The following ARHGEF33 variants were observed in gnomAD, a reference collection of about 807,000 sequenced individuals.
The protein encoded by ARHGEF33 is Rho guanine nucleotide exchange factor 33.
ARHGEF33 carries 72 observed loss-of-function variants against 101.9 expected under a neutral mutation model. The ratio of observed to expected loss-of-function variants is 0.71; its 90% confidence interval spans 0.58 to 0.86. The LOEUF (loss-of-function observed/expected upper bound fraction) is 0.86. Ranked by LOEUF, ARHGEF33 falls within the 40% of genes least tolerant of loss-of-function variation. The pLI, the probability that ARHGEF33 is intolerant of heterozygous loss-of-function variation, is 0.00. For synonymous variants in ARHGEF33, 499 were observed against 442.5 expected (o/e 1.13, Z -1.60); for missense variants, 1,169 against 1,111.3 (o/e 1.05, Z -0.74).
chr2:38,937,208 A>C (rs113824924), intron 8 of ARHGEF33, 127 bp from the exon 9 acceptor site: 133 of 609,204 alleles, frequency 2.2e-4, no homozygotes, highest in Middle Eastern at 4.4e-4. Context: ...GTTAGCCAGG[A>C]TGGTCTCAAT....
intron 6 of ARHGEF33, among the ~76,000 whole-genome samples, chr2:38,930,307 C>G (rs1666967161): frequency 6.6e-6 from 1 of 151,336 alleles, no homozygotes; most frequent in Admixed American, 6.6e-5. Flanking sequence ...CATATATAAT[C>G]TTTATTGCTA....
intron 2 of ARHGEF33, among the ~76,000 whole-genome samples, chr2:38,906,615 T>C (rs1269716191): frequency 1.3e-5 from 2 of 152,044 alleles, no homozygotes; most frequent in Non-Finnish European, 1.5e-5. Flanking sequence ...ACAAAAATGT[T>C]GACTCTTTCC....
In ARHGEF33 at chr2:38,889,892, G is replaced by C; in HGVS notation, c.-253G>C. ...ACGGTCTCGTTTCAGGGGAAGTCAA[G>C]CCTCTCTACTGCTTCTTTTTATAAC... is the stretch of plus-strand genomic sequence containing the variant. On this transcript the variant is annotated 5_prime_UTR_variant, in exon 1 of 18. Coordinates refer to ENST00000409978, the MANE Select transcript of ARHGEF33 (RefSeq NM_001145451.5). 2.1e-6 allele frequency: 1 copy of C among 470,926 alleles called. No homozygotes were observed. The highest frequency in any genetic ancestry group is 4.4e-6 in the Non-Finnish European group (1 of 226,934). 29.2% of individuals were successfully genotyped at this position (470,926 alleles called of 1,614,324 possible).
At position 38,956,886 on chromosome 2, in the gene ARHGEF33, C is replaced by A; in HGVS notation, c.1222-13C>A. 1 of 1,551,276 alleles carries A rather than the reference C, an allele frequency of 6.4e-7. No individual in the cohort carries two copies. The highest frequency in any genetic ancestry group is 1.2e-5 in the South Asian group (1 of 83,998). On this transcript the variant is annotated splice_polypyrimidine_tract_variant and intron_variant, in intron 13 of 17. Coordinates refer to ENST00000409978, the MANE Select transcript of ARHGEF33 (RefSeq NM_001145451.5). ...TGATTATGCAATGCTACTTCCTTTT[C>A]CCCTCCATCCAGAACGTCCTGAAGT...
intron 1 of ARHGEF33, among the ~76,000 whole-genome samples, chr2:38,890,340 A>G (rs747587656): frequency 2.0e-5 from 3 of 152,212 alleles, no homozygotes; most frequent in Non-Finnish European, 4.4e-5. Flanking sequence ...TGACATGGAC[A>G]TGCCTCTTTG....
At chr2:38,911,319 T>C (rs944937465) in intron 2 of ARHGEF33, among the ~76,000 whole-genome samples, 4 of 152,132 alleles carry the variant, frequency 2.6e-5, no homozygotes, top group African/African-American at 9.7e-5. Context: ...AAAGTTCCCA[T>C]TCTACTAAAT....
At chr2:38,917,595 C>A (rs141755190) in intron 2 of ARHGEF33, among the ~76,000 whole-genome samples, 2 of 151,754 alleles carry the variant, frequency 1.3e-5, no homozygotes, top group East Asian at 3.9e-4. Context: ...TTTGAGAGAC[C>A]GAGGAGGGGA....
chr2:38,956,352 G>T (rs1349371900), intron 13 of ARHGEF33, among the ~76,000 whole-genome samples: 1 of 152,176 alleles, frequency 6.6e-6, no homozygotes, highest in Non-Finnish European at 1.5e-5. Flanking sequence ...GCACGTTGCG[G>T]TAACAATTAA....
chr2:38,961,741 G>A (rs1301616072), intron 16 of ARHGEF33, among the ~76,000 whole-genome samples: 1 of 152,060 alleles, frequency 6.6e-6, no homozygotes, highest in African/African-American at 2.4e-5. Context: ...CAGGAACACA[G>A]AATTATGTAA....
chr2:38,910,440 G>A (rs1338127926), intron 2 of ARHGEF33, among the ~76,000 whole-genome samples: 1 of 152,138 alleles, frequency 6.6e-6, no homozygotes, highest in Non-Finnish European at 1.5e-5. Flanking sequence ...GGGTGTGGCG[G>A]CTTGTGCCTG....
At position 38,975,392 on chromosome 2, in the gene ARHGEF33, G is replaced by C. The variant is rs1668254704; in HGVS notation, c.*1549G>C. The C allele has an allele frequency of 6.6e-6, 1 of 152,176 alleles. No homozygotes were observed. The highest frequency in any genetic ancestry group is 1.9e-4 in the East Asian group (1 of 5,202). The allele number at this position is 152,176 out of a possible 1,614,324, so 9.4% of individuals were successfully genotyped here. ...TGCAAGCACAACGCCAAATCGACTG[G>C]ACGTGGAAAGTGAAATACTACAGAA... On this transcript the variant is annotated 3_prime_UTR_variant, in exon 18 of 18. Coordinates refer to ENST00000409978, the MANE Select transcript of ARHGEF33 (RefSeq NM_001145451.5).
chr2:38,940,514 C>G (rs1667276484), intron 9 of ARHGEF33, among the ~76,000 whole-genome samples: 1 of 151,962 alleles, frequency 6.6e-6, no homozygotes, highest in African/African-American at 2.4e-5. Flanking sequence ...CTGGGACTTT[C>G]CAGTCTTCTT....
chr2:38,954,290 C>G (rs1667686334), intron 12 of ARHGEF33, 83 bp from the exon 13 acceptor site: 1 of 797,756 alleles, frequency 1.3e-6, no homozygotes, highest in Admixed American at 2.1e-5. Flanking sequence ...GGAAACCCTT[C>G]CTACCCTGGT....
chr2:38,964,554 G>T (rs573518476), intron 16 of ARHGEF33, among the ~76,000 whole-genome samples: 3 of 150,688 alleles, frequency 2.0e-5, no homozygotes, highest in African/African-American at 4.9e-5. Flanking sequence ...CAAGGAGTGC[G>T]CATCCTAGAT....
At position 38,951,187 on chromosome 2, in the gene ARHGEF33, T is replaced by A. The variant is rs1036843795; in HGVS notation, c.1053+66T>A. 62 of 1,456,328 alleles carry A rather than the reference T, an allele frequency of 4.3e-5. No individual in the cohort carries two copies. In the African/African-American group the frequency reaches 7.6e-4, roughly 18 times the overall value. The allele number at this position is 1,456,328 out of a possible 1,614,324, so 90.2% of individuals were successfully genotyped here. On this transcript the variant is annotated intron_variant, in intron 11 of 17. Transcript: ENST00000409978. ...GATTTGTGTCTCATTTGTCTACTTC[T>A]CTTAATAGAGAATCTAGAAGCAGTG...
chr2:38,960,875 C>T (rs970159121), intron 16 of ARHGEF33, among the ~76,000 whole-genome samples: 3 of 152,192 alleles, frequency 2.0e-5, no homozygotes, highest in Non-Finnish European at 4.4e-5. Context: ...CGCCTGTTCT[C>T]CAGTACCAGG....
At chr2:38,928,736 G>C in intron 4 of ARHGEF33, 171 bp from the exon 5 acceptor site, 1 of 503,130 alleles carries the variant, frequency 2.0e-6, no homozygotes, top group Non-Finnish European at 3.5e-6. Flanking sequence ...CTTTTTCTTA[G>C]ATAAATGGGG....
At position 38,949,925 on chromosome 2, in the gene ARHGEF33, AACTC is replaced by A. The variant is rs1301522345; in HGVS notation, c.921-1057_921-1054del. On this transcript the variant is annotated intron_variant, in intron 10 of 17. Coordinates refer to ENST00000409978, the MANE Select transcript of ARHGEF33 (RefSeq NM_001145451.5). ...CTTTTAAACAGCCAGAATTCATGAG[AACTC>A]ACTCACCATCACTATCACTTGGTGG... Among the ~76,000 whole-genome samples, 8 of 152,304 alleles carry A rather than the reference AACTC, an allele frequency of 5.3e-5. No homozygotes were observed. In the East Asian group the frequency reaches 1.5e-3, roughly 29 times the overall value.
chr2:38,955,937 G>T (rs1667742410), intron 13 of ARHGEF33, among the ~76,000 whole-genome samples: 1 of 152,038 alleles, frequency 6.6e-6, no homozygotes, highest in Non-Finnish European at 1.5e-5. Context: ...CCAAAGTGCT[G>T]GGATGACAGG....
Sources: allele counts gnomAD v4.1 joint callset (sites outside exome capture counted in the v4.1 genomes callset), GRCh38; gene constraint gnomAD v4.1.1; transcripts MANE v1.5; gene names NCBI Gene and HGNC (gene_info 2026-07-23, HGNC 2026-07-21).